Variants in DPYSL3 observed in about 807,000 individuals in gnomAD.
DPYSL3 encodes the protein dihydropyrimidinase like 3, also known as dihydropyrimidinase-related protein 3.
DPYSL3 carries 16 observed loss-of-function variants against 66.1 expected under a neutral mutation model. That is an observed-to-expected ratio of 0.24 (90% CI 0.16 to 0.37). The LOEUF (loss-of-function observed/expected upper bound fraction) is 0.37. DPYSL3 is among the 10% of genes least tolerant of loss of function. The pLI is 1.00. For synonymous variants in DPYSL3, 338 were observed against 345.1 expected (o/e 0.98, Z 0.23); for missense variants, 738 against 916.2 (o/e 0.81, Z 2.51).
chr5:147,453,739 C>G, intron 1 of DPYSL3: 1 of 1,312,544 alleles, frequency 7.6e-7, no homozygotes, highest in East Asian at 3.1e-5. Flanking sequence ...GCCCCCCTCC[C>G]GGGCTCCCGC....
chr5:147,481,443 G>T (rs1008884788), intron 1 of DPYSL3, among the ~76,000 whole-genome samples: 1 of 152,148 alleles, frequency 6.6e-6, no homozygotes, highest in Non-Finnish European at 1.5e-5. Context: ...GAGGTTCCTG[G>T]GTCAGAGACA....
chr5:147,419,636 A>G (rs149048058), intron 2 of DPYSL3, among the ~76,000 whole-genome samples: 92 of 152,310 alleles, frequency 6.0e-4, no homozygotes, highest in African/African-American at 1.9e-3. Flanking sequence ...CTCACTGTCC[A>G]TTGCATGAAT....
Position 147,392,537 on chromosome 5 carries a change from G to A in DPYSL3, c.*1498C>T, listed in dbSNP as rs577580337. The A allele has an allele frequency of 6.6e-6, 1 of 152,228 alleles. No homozygotes were observed. Among genetic ancestry groups the A allele is most frequent in the Non-Finnish European group, 1.5e-5 (1 of 68,048 alleles). 9.4% of individuals were successfully genotyped at this position (152,228 alleles called of 1,614,324 possible). A position where few individuals can be genotyped will look rare whatever the true frequency, so the allele number is the denominator to read the frequency against. On this transcript the variant is annotated 3_prime_UTR_variant, in exon 14 of 14. Coordinates refer to ENST00000343218, the MANE Select transcript of DPYSL3 (RefSeq NM_001197294.2). The stretch of plus-strand genomic sequence containing the variant: ...CCAGAGCATGGAAGTCTGATCCCAG[G>A]TTGAACATATTTCTTCTGAAAATGA...
At chr5:147,416,295 A>C (rs1371025327) in intron 3 of DPYSL3, among the ~76,000 whole-genome samples, 1 of 152,150 alleles carries the variant, frequency 6.6e-6, no homozygotes, top group Non-Finnish European at 1.5e-5. Context: ...TGGGGAGGTC[A>C]CTGCTAGTGA....
intron 6 of DPYSL3, among the ~76,000 whole-genome samples, chr5:147,411,919 C>T (rs557543804): frequency 6.6e-6 from 1 of 152,312 alleles, no homozygotes; most frequent in Non-Finnish European, 1.5e-5. Flanking sequence ...AGAAAGCTCA[C>T]TCTTTTTTTT....
intron 1 of DPYSL3, among the ~76,000 whole-genome samples, chr5:147,430,472 T>C (rs1164988491): frequency 7.1e-6 from 1 of 140,116 alleles, no homozygotes; most frequent in Admixed American, 7.5e-5. Flanking sequence ...ATCGCACCAT[T>C]GCACTCCGGC....
intron 6 of DPYSL3, among the ~76,000 whole-genome samples, chr5:147,410,421 C>T (rs77296045): frequency 0.02 from 2,974 of 152,126 alleles, 94 homozygotes; most frequent in African/African-American, 0.068. Context: ...CCATGATGTC[C>T]CTATAGCTGA....
chr5:147,430,364 G>T (rs1752286600), intron 1 of DPYSL3, among the ~76,000 whole-genome samples: 1 of 151,928 alleles, frequency 6.6e-6, no homozygotes, highest in Non-Finnish European at 1.5e-5. Flanking sequence ...AAAAAAAATA[G>T]CCAGGCATCA....
intron 1 of DPYSL3, among the ~76,000 whole-genome samples, chr5:147,496,585 T>C (rs375236984): frequency 3.3e-5 from 5 of 151,680 alleles, no homozygotes; most frequent in Non-Finnish European, 7.4e-5. Context: ...AAAAAGTGGG[T>C]GAAGGATATG....
At chr5:147,397,898 G>C (rs568190171) in intron 11 of DPYSL3, 53 bp from the exon 12 acceptor site, 7 of 830,934 alleles carry the variant, frequency 8.4e-6, no homozygotes, top group Non-Finnish European at 1.2e-5. Flanking sequence ...AAAGAGGAAC[G>C]TACCTTCTCT....
chr5:147,418,517 C>G lies in DPYSL3; in HGVS notation c.585G>C (p.Lys195Asn). 1 of 1,613,650 alleles carries G rather than the reference C, an allele frequency of 6.2e-7. No individual in the cohort carries two copies. Among genetic ancestry groups the G allele is most frequent in the Non-Finnish European group, 8.5e-7 (1 of 1,179,826 alleles). Reference protein sequence around the residue: ...DVHTHFQMPYKGMTTVDDFFQ... With the variant: ...DVHTHFQMPYNGMTTVDDFFQ... ...AGAAGTCATCTACTGTGGTCATTCC[C>G]TTATATGGCATCTGGAAGTGAGTAT... is the stretch of plus-strand genomic sequence containing the variant. The change falls in exon 3 of 14, where the codon AAG becomes AAC. Residue 195 changes from lysine (K) to asparagine (N), a missense_variant. Transcript: ENST00000343218.
chr5:147,468,805 A>G (rs1753044742), intron 1 of DPYSL3, among the ~76,000 whole-genome samples: 1 of 152,152 alleles, frequency 6.6e-6, no homozygotes. Context: ...TACATGTGCC[A>G]TGTTGGTGTG....
chr5:147,459,826 A>G (rs1752906577), intron 1 of DPYSL3, among the ~76,000 whole-genome samples: 1 of 152,218 alleles, frequency 6.6e-6, no homozygotes, highest in African/African-American at 2.4e-5. Context: ...TCAGGTTGCG[A>G]GAGGCCGGGT....
intron 8 of DPYSL3, among the ~76,000 whole-genome samples, chr5:147,402,441 G>T (rs1318495875): frequency 7.4e-6 from 1 of 135,364 alleles, no homozygotes; most frequent in Admixed American, 7.4e-5. Flanking sequence ...TCCGCCTCCC[G>T]GGTTCACGCC....
At chr5:147,467,807 T>G (rs1403157255) in intron 1 of DPYSL3, among the ~76,000 whole-genome samples, 1 of 152,198 alleles carries the variant, frequency 6.6e-6, no homozygotes, top group African/African-American at 2.4e-5. Flanking sequence ...CAACAGAAAT[T>G]TATTTCTCAC....
intron 1 of DPYSL3, among the ~76,000 whole-genome samples, chr5:147,441,697 G>A (rs1444909115): frequency 1.3e-5 from 2 of 152,080 alleles, no homozygotes; most frequent in East Asian, 1.9e-4. Context: ...TATGACCTTG[G>A]CAAATTATTT....
In DPYSL3 at chr5:147,407,251, T is replaced by C. The variant is rs962356763; in HGVS notation, c.1032+1477A>G. 5.3e-5 allele frequency among the ~76,000 whole-genome samples: 8 copies of C among 152,260 alleles called. 1 individual carries two copies. Among genetic ancestry groups the C allele is most frequent in the Admixed American group, 3.9e-4 (6 of 15,290 alleles). ...TTTCAGCACTTTGACAACATGACTATCTTTGGAAGGTTACATCACCCTCCA... is the reference window on the plus strand; with the variant it reads ...TTTCAGCACTTTGACAACATGACTACCTTTGGAAGGTTACATCACCCTCCA... On this transcript the variant is annotated intron_variant, in intron 7 of 13. Coordinates refer to ENST00000343218, the MANE Select transcript of DPYSL3 (RefSeq NM_001197294.2).
rs114193463 is a variant in DPYSL3 at position 147,464,498 on chromosome 5, A to G, written c.382-39535T>C. ...CCAGAGTCTGTAAACAAGCAAGGAG[A>G]GTCAGCATCCTTGTAGGACCCTGAT... On this transcript the variant is annotated intron_variant, in intron 1 of 13. Transcript: ENST00000343218. 7.2e-3 allele frequency among the ~76,000 whole-genome samples: 1,096 copies of G among 152,308 alleles called. 12 individuals carry two copies. The highest frequency in any genetic ancestry group is 0.011 in the Non-Finnish European group (768 of 68,032).
At chr5:147,460,727 G>A (rs535589851) in intron 1 of DPYSL3, among the ~76,000 whole-genome samples, 2 of 152,302 alleles carry the variant, frequency 1.3e-5, no homozygotes, top group African/African-American at 2.4e-5. Context: ...ATAACACTTC[G>A]AATTTAGCCC....
Sources: gnomAD v4.1 joint callset for allele counts (sites outside exome capture counted in the v4.1 genomes callset) on GRCh38, gnomAD v4.1.1 for gene constraint, MANE v1.5 for transcripts, NCBI Gene and HGNC (gene_info 2026-07-23, HGNC 2026-07-21) for gene names.